Variants in ATG10 observed in about 807,000 individuals in gnomAD.
ATG10 encodes the protein autophagy related 10.
Under a neutral mutation model 32.1 loss-of-function variants are expected in ATG10, and 30 were observed. That is an observed-to-expected ratio of 0.94 (90% confidence interval 0.70 to 1.27). The LOEUF (loss-of-function observed/expected upper bound fraction) is 1.27, where lower values mean the gene tolerates loss of function less well. Ranked by LOEUF, ATG10 falls within the 50% of genes most tolerant of loss-of-function variation. The probability of loss-of-function intolerance (pLI) is 0.00; values close to 1 mark genes in which losing one functional copy is unlikely to be tolerated. For synonymous variants in ATG10, 87 were observed against 91.5 expected (o/e 0.95, Z 0.28); for missense variants, 233 against 262.3 (o/e 0.89, Z 0.77).
intron 5 of ATG10, among the ~76,000 whole-genome samples, chr5:82,247,878 G>A (rs1485743691): frequency 6.6e-6 from 1 of 152,098 alleles, no homozygotes; most frequent in Non-Finnish European, 1.5e-5. Flanking sequence ...TGTGGCCACT[G>A]ATGTCTTTGC....
At chr5:82,158,986 A>G (rs760661006) in intron 3 of ATG10, among the ~76,000 whole-genome samples, 20 of 152,178 alleles carry the variant, frequency 1.3e-4, no homozygotes, top group South Asian at 6.2e-4. Context: ...TTTCCTATAC[A>G]TAGCTGTGAC....
intron 3 of ATG10, among the ~76,000 whole-genome samples, chr5:82,138,932 C>G (rs1438892006): frequency 7.0e-6 from 1 of 143,540 alleles, no homozygotes; most frequent in Non-Finnish European, 1.5e-5. Context: ...GCTGCCATCT[C>G]GGCTCACTGC....
intron 2 of ATG10, among the ~76,000 whole-genome samples, chr5:81,993,413 C>CTT (rs763623941): frequency 2.8e-5 from 3 of 106,714 alleles, no homozygotes; most frequent in Non-Finnish European, 5.6e-5. Context: ...CTTTTCTTTT[C>CTT]TTTTCTTTTC....
At chr5:82,175,087 C>T (rs1353829099) in intron 4 of ATG10, among the ~76,000 whole-genome samples, 2 of 152,062 alleles carry the variant, frequency 1.3e-5, no homozygotes, top group Non-Finnish European at 2.9e-5. Flanking sequence ...GTTATATTAC[C>T]AATTTTTCCA....
At chr5:81,978,539 A>G (rs914666469) in intron 1 of ATG10, among the ~76,000 whole-genome samples, 4 of 152,248 alleles carry the variant, frequency 2.6e-5, no homozygotes, top group Non-Finnish European at 4.4e-5. Flanking sequence ...TCAAATTGTC[A>G]TCAGTGGTGG....
intron 3 of ATG10, among the ~76,000 whole-genome samples, chr5:82,128,306 A>T (rs1350706932): frequency 8.5e-5 from 13 of 152,066 alleles, no homozygotes; most frequent in Admixed American, 7.9e-4. Flanking sequence ...TAATATTGTT[A>T]TATGTGAATT....
At chr5:82,104,974 G>A (rs1395719868) in intron 3 of ATG10, among the ~76,000 whole-genome samples, 1 of 152,146 alleles carries the variant, frequency 6.6e-6, no homozygotes, top group Non-Finnish European at 1.5e-5. Flanking sequence ...TTTGTGATCA[G>A]TTTATGCTGC....
At chr5:82,089,273 C>T (rs1224715183) in intron 3 of ATG10, among the ~76,000 whole-genome samples, 2 of 151,472 alleles carry the variant, frequency 1.3e-5, no homozygotes, top group East Asian at 1.9e-4. Flanking sequence ...ACCCAGGAGG[C>T]GGAGGTTGTG....
rs911069325 is a variant in ATG10, at chr5:82,125,623, A to T, written c.217-38776A>T. On this transcript the variant is annotated intron_variant, in intron 3 of 7. Transcript: ENST00000282185. ...ATTTCTGAGGCCTCTGTTCTGTTCC[A>T]TTGGTCTATATATCTGTTTTGATAC... is the stretch of plus-strand genomic sequence containing the variant. Among the ~76,000 whole-genome samples the T allele has an allele frequency of 3.9e-5, 6 of 152,184 alleles. No individual in the cohort carries two copies. The South Asian group carries it at 1.2e-3, about 32-fold the overall frequency.
intron 2 of ATG10, among the ~76,000 whole-genome samples, chr5:82,001,371 G>A (rs1761844306): frequency 1.3e-5 from 2 of 152,122 alleles, no homozygotes. Flanking sequence ...AACAAAGCTG[G>A]AGGCATCCCA....
chr5:82,123,592 A>T (rs1766133681), intron 3 of ATG10, among the ~76,000 whole-genome samples: 1 of 152,034 alleles, frequency 6.6e-6, no homozygotes. Flanking sequence ...GCTTTTTGAA[A>T]GCTAGATATT....
intron 3 of ATG10, among the ~76,000 whole-genome samples, chr5:82,066,853 ATTAACAAT>A (rs1213590475): frequency 6.6e-6 from 1 of 152,196 alleles, no homozygotes; most frequent in Non-Finnish European, 1.5e-5. Context: ...CTCAGTAAGC[ATTAACAAT>A]TTATCTGTAA....
intron 3 of ATG10, among the ~76,000 whole-genome samples, chr5:82,075,042 G>A (rs1051883404): frequency 6.6e-6 from 1 of 152,206 alleles, no homozygotes; most frequent in East Asian, 1.9e-4. Flanking sequence ...GTGTTGCACA[G>A]CTTCTTGTGG....
chr5:82,061,600 G>A lies in ATG10; in HGVS notation c.216+2998G>A, dbSNP rs146321812. On this transcript the variant is annotated intron_variant, in intron 3 of 7. Coordinates refer to ENST00000282185, the MANE Select transcript of ATG10 (RefSeq NM_031482.5). ...CTCACTTAACAAATCAGATGCCTCTGTATTTTGATATAAACTGGATAATCT... is the reference window on the plus strand; with the variant it reads ...CTCACTTAACAAATCAGATGCCTCTATATTTTGATATAAACTGGATAATCT... Among the ~76,000 whole-genome samples, 25 of 150,836 alleles carry A rather than the reference G, an allele frequency of 1.7e-4. No homozygotes were observed. In the East Asian group the frequency reaches 4.7e-3, roughly 28 times the overall value.
chr5:82,071,537 G>A (rs1253163253), intron 3 of ATG10, among the ~76,000 whole-genome samples: 4 of 152,058 alleles, frequency 2.6e-5, no homozygotes, highest in Non-Finnish European at 4.4e-5. Context: ...CTTTGATCAC[G>A]CAGGGTATTG....
intron 3 of ATG10, among the ~76,000 whole-genome samples, chr5:82,083,993 GAGA>G (rs1240830543): frequency 1.3e-5 from 2 of 152,204 alleles, no homozygotes; most frequent in South Asian, 4.1e-4. Flanking sequence ...GACGCGTTGA[GAGA>G]AGAAGGCTTC....
chr5:82,049,677 G>A (rs1172157165), intron 2 of ATG10, among the ~76,000 whole-genome samples: 1 of 152,148 alleles, frequency 6.6e-6, no homozygotes, highest in African/African-American at 2.4e-5. Context: ...GAAAAACAGA[G>A]TGAAGGTATG....
At chr5:82,011,720 C>T (rs564356912) in intron 2 of ATG10, among the ~76,000 whole-genome samples, 5 of 152,124 alleles carry the variant, frequency 3.3e-5, no homozygotes, top group Non-Finnish European at 7.4e-5. Flanking sequence ...GGAGCACATT[C>T]GAAGTTTAGG....
At chr5:82,246,723 G>T (rs909085587) in intron 5 of ATG10, among the ~76,000 whole-genome samples, 3 of 151,976 alleles carry the variant, frequency 2.0e-5, no homozygotes, top group African/African-American at 7.2e-5. Flanking sequence ...TAAGAAAAGA[G>T]AAAGTACTTA....
Sources: allele counts gnomAD v4.1 joint callset (sites outside exome capture counted in the v4.1 genomes callset), GRCh38; gene constraint gnomAD v4.1.1; transcripts MANE v1.5; gene names NCBI Gene and HGNC (gene_info 2026-07-23, HGNC 2026-07-21).